The following THSD7B variants were observed in gnomAD, a reference collection of about 807,000 sequenced individuals.
THSD7B encodes thrombospondin type 1 domain containing 7B, also known as thrombospondin type-1 domain-containing protein 7B.
A neutral mutation model predicts 213.6 loss-of-function variants in THSD7B; 138 were observed. That is an observed-to-expected ratio of 0.65 (90% CI 0.56 to 0.74). The LOEUF (loss-of-function observed/expected upper bound fraction) is 0.74. THSD7B is among the 30% of genes least tolerant of loss of function. The probability of loss-of-function intolerance (pLI) is 0.00; values close to 1 mark genes in which losing one functional copy is unlikely to be tolerated. For missense variants in THSD7B, 1,931 were observed against 1,991.5 expected, an observed-to-expected ratio of 0.97 and a Z score of 0.58; for synonymous variants, 742 against 687.0, an observed-to-expected ratio of 1.08 and a Z score of -1.25.
intron 15 of THSD7B, among the ~76,000 whole-genome samples, chr2:137,539,837 C>T (rs961297554): frequency 5.9e-5 from 9 of 151,630 alleles, no homozygotes; most frequent in African/African-American, 1.7e-4. Flanking sequence ...AAGTCATTTT[C>T]TTTTTTTCGG....
At chr2:137,136,927 T>G (rs986701) in intron 5 of THSD7B, among the ~76,000 whole-genome samples, 102,321 of 152,048 alleles carry the variant, frequency 0.67, 36,384 homozygotes, top group Non-Finnish European at 0.78. Flanking sequence ...GAAGGAAACA[T>G]AATCACAGTT....
chr2:136,957,787 A>T (rs1194329931), intron 2 of THSD7B, among the ~76,000 whole-genome samples: 1 of 152,224 alleles, frequency 6.6e-6, no homozygotes, highest in African/African-American at 2.4e-5. Flanking sequence ...TGTGCATTAA[A>T]TTTAAAATGT....
intron 15 of THSD7B, among the ~76,000 whole-genome samples, chr2:137,482,379 A>T (rs1688327667): frequency 6.6e-6 from 1 of 152,218 alleles, no homozygotes; most frequent in African/African-American, 2.4e-5. Context: ...AGGATTAAAT[A>T]AAATTAAATT....
chr2:136,817,617 G>A (rs1348061698), intron 1 of THSD7B, among the ~76,000 whole-genome samples: 1 of 151,198 alleles, frequency 6.6e-6, no homozygotes, highest in Non-Finnish European at 1.5e-5. Flanking sequence ...TATTAAATAG[G>A]GAATCCTTTC....
At chr2:136,844,462 CAGAGAGAGAGAGAG>C (rs56716402) in intron 1 of THSD7B, among the ~76,000 whole-genome samples, 6 of 142,618 alleles carry the variant, frequency 4.2e-5, no homozygotes, top group East Asian at 2.2e-4. Flanking sequence ...CCACCCAAAA[CAGAGAGAGAGAGAG>C]AGAGAGAGAG....
intron 3 of THSD7B, among the ~76,000 whole-genome samples, chr2:137,079,096 A>T (rs1687690382): frequency 6.6e-6 from 1 of 152,144 alleles, no homozygotes; most frequent in African/African-American, 2.4e-5. Context: ...AGATAGGAAG[A>T]TGACTTGAGC....
chr2:137,584,864 G>A (rs1480933428), intron 17 of THSD7B, among the ~76,000 whole-genome samples: 1 of 152,184 alleles, frequency 6.6e-6, no homozygotes, highest in Non-Finnish European at 1.5e-5. Context: ...ATGAGTTAGC[G>A]AGGATTCCCT....
At chr2:136,813,379 G>A (rs1682415513) in intron 1 of THSD7B, among the ~76,000 whole-genome samples, 1 of 152,138 alleles carries the variant, frequency 6.6e-6, no homozygotes, top group African/African-American at 2.4e-5. Context: ...CAAAGCTCCT[G>A]TTGGCTGGAA....
chr2:137,411,904 A>C (rs528061402), intron 14 of THSD7B, 32 bp downstream of exon 14: 1 of 1,611,600 alleles, frequency 6.2e-7, no homozygotes, highest in Non-Finnish European at 8.5e-7. Context: ...AACAGATGAG[A>C]ACACTCACAC....
intron 2 of THSD7B, among the ~76,000 whole-genome samples, chr2:136,946,168 T>C (rs1684933134): frequency 6.6e-6 from 1 of 152,218 alleles, no homozygotes; most frequent in Non-Finnish European, 1.5e-5. Context: ...TTTTTGTTGA[T>C]GTTTATGCTA....
At chr2:137,043,454 C>G (rs1686917504) in intron 2 of THSD7B, among the ~76,000 whole-genome samples, 1 of 152,114 alleles carries the variant, frequency 6.6e-6, no homozygotes, top group South Asian at 2.1e-4. Flanking sequence ...TGCCTGGTCA[C>G]CCTAGGCAGC....
intron 2 of THSD7B, among the ~76,000 whole-genome samples, chr2:137,026,512 A>G (rs1426294272): frequency 6.6e-6 from 1 of 152,184 alleles, no homozygotes; most frequent in Non-Finnish European, 1.5e-5. Context: ...TACTAGGCTC[A>G]TGGCTTCTTT....
At position 137,656,775 on chromosome 2, in the gene THSD7B, C is replaced by G. The variant is rs75468907; in HGVS notation, c.4106-21C>G. On this transcript the variant is annotated intron_variant, in intron 22 of 27. Coordinates refer to ENST00000409968, the MANE Select transcript of THSD7B (RefSeq NM_001316349.2). ...CACTTTTCATGCTGTTTTCTCCACCCTGTACTGCATGACTGTCCAGGAGAC... is the reference window on the plus strand; with the variant it reads ...CACTTTTCATGCTGTTTTCTCCACCGTGTACTGCATGACTGTCCAGGAGAC... 5.1e-4 allele frequency: 813 copies of G among 1,609,276 alleles called. 3 individuals carry two copies. The African/African-American group carries it at 9.5e-3, about 19-fold the overall frequency.
chr2:137,615,161 A>T (rs1174726804), intron 17 of THSD7B, among the ~76,000 whole-genome samples: 1 of 152,188 alleles, frequency 6.6e-6, no homozygotes, highest in Non-Finnish European at 1.5e-5. Flanking sequence ...AACATGCCCT[A>T]AAGGAATTAG....
chr2:137,028,490 A>G (rs545706726), intron 2 of THSD7B, among the ~76,000 whole-genome samples: 12 of 152,354 alleles, frequency 7.9e-5, no homozygotes, highest in Admixed American at 2.6e-4. Context: ...TTGCCATACT[A>G]TAGGCAACAC....
intron 2 of THSD7B, among the ~76,000 whole-genome samples, chr2:136,926,604 G>A (rs1252904481): frequency 2.0e-5 from 3 of 151,982 alleles, no homozygotes; most frequent in African/African-American, 7.3e-5. Context: ...TAAGGTGGGA[G>A]GATGGTCTGG....
At chr2:137,064,394 A>T (rs1337779909) in intron 3 of THSD7B, among the ~76,000 whole-genome samples, 1 of 151,972 alleles carries the variant, frequency 6.6e-6, no homozygotes, top group Non-Finnish European at 1.5e-5. Context: ...CTTCTTATGT[A>T]ATCTGGTTAT....
intron 1 of THSD7B, among the ~76,000 whole-genome samples, chr2:136,805,476 G>C (rs1039817038): frequency 7.9e-5 from 12 of 152,204 alleles, no homozygotes; most frequent in African/African-American, 2.9e-4. Flanking sequence ...CATGAGAATG[G>C]ACCTTCTAAG....
At chr2:137,312,645 G>A (rs1231623233) in intron 12 of THSD7B, among the ~76,000 whole-genome samples, 1 of 149,430 alleles carries the variant, frequency 6.7e-6, no homozygotes, top group Non-Finnish European at 1.5e-5. Flanking sequence ...TGGGCATTTA[G>A]TGCTATAAAT....
Sources: allele counts gnomAD v4.1 joint callset (sites outside exome capture counted in the v4.1 genomes callset), GRCh38; gene constraint gnomAD v4.1.1; transcripts MANE v1.5; gene names NCBI Gene and HGNC (gene_info 2026-07-23, HGNC 2026-07-21).